The following KRAS variants were observed in gnomAD, a reference collection of about 807,000 sequenced individuals.
KRAS encodes KRas proto-oncogene, GTPase.
Under a neutral mutation model 21.0 loss-of-function variants are expected in KRAS, and 1 was observed. That is an observed-to-expected ratio of 0.05 (90% CI 0.02 to 0.23). KRAS has a LOEUF of 0.23. Ranked by LOEUF, KRAS falls within the 10% of genes least tolerant of loss-of-function variation. KRAS has a pLI of 1.00. For missense variants in KRAS, 107 were observed against 221.8 expected, an observed-to-expected ratio of 0.48 and a Z score of 3.29; for synonymous variants, 67 against 72.5, an observed-to-expected ratio of 0.92 and a Z score of 0.39.
At chr12:25,240,175 T>C (rs1951593125) in intron 2 of KRAS, among the ~76,000 whole-genome samples, 1 of 152,192 alleles carries the variant, frequency 6.6e-6, no homozygotes, top group Admixed American at 6.5e-5. Context: ...CTAATTTCTA[T>C]ATTAAGATCC....
chr12:25,214,995 C>A (rs1483868730), intron 4 of KRAS, among the ~76,000 whole-genome samples: 5 of 147,272 alleles, frequency 3.4e-5, no homozygotes, highest in Admixed American at 2.8e-4. Flanking sequence ...GTAAAATATC[C>A]AAAAGAAAAA....
At chr12:25,238,335 A>G (rs918512280) in intron 2 of KRAS, among the ~76,000 whole-genome samples, 1 of 152,232 alleles carries the variant, frequency 6.6e-6, no homozygotes, top group Non-Finnish European at 1.5e-5. Flanking sequence ...GATCACTTGA[A>G]GTCCAGGTAA....
intron 2 of KRAS, among the ~76,000 whole-genome samples, chr12:25,229,752 G>A (rs1951441155): frequency 6.7e-6 from 1 of 149,072 alleles, no homozygotes; most frequent in Non-Finnish European, 1.5e-5. Context: ...CCACATGTAG[G>A]CTATAGTATT....
intron 4 of KRAS, among the ~76,000 whole-genome samples, chr12:25,224,783 T>A (rs898070290): frequency 6.6e-6 from 1 of 152,152 alleles, no homozygotes; most frequent in Non-Finnish European, 1.5e-5. Context: ...TAGTAGGTTA[T>A]ACTACCAAGG....
chr12:25,216,661 G>A (rs1024763205), intron 4 of KRAS, among the ~76,000 whole-genome samples: 1 of 152,092 alleles, frequency 6.6e-6, no homozygotes, highest in African/African-American at 2.4e-5. Flanking sequence ...ACTCTTAATA[G>A]GGTTTTTCTT....
intron 2 of KRAS, chr12:25,234,825 C>A (rs1209241868): frequency 1.4e-5 from 3 of 209,092 alleles, no homozygotes; most frequent in African/African-American, 6.8e-5. Flanking sequence ...GGTTTTCCAA[C>A]TCAGGCAGTG....
At chr12:25,224,168 A>G (rs2141502578) in intron 4 of KRAS, among the ~76,000 whole-genome samples, 1 of 126,620 alleles carries the variant, frequency 7.9e-6, no homozygotes, top group East Asian at 2.2e-4. Context: ...TTTATAGTGT[A>G]CTCCTCCTAT....
Position 25,209,235 on chromosome 12 carries a change from G to C in KRAS, c.*560C>G. The C allele has an allele frequency of 4.4e-6, 3 of 683,612 alleles. No individual in the cohort carries two copies. Among genetic ancestry groups the C allele is most frequent in the Non-Finnish European group, 8.0e-6 (3 of 375,522 alleles). 42.3% of individuals were successfully genotyped at this position (683,612 alleles called of 1,614,324 possible). A position where few individuals can be genotyped will look rare whatever the true frequency, so the allele number is the denominator to read the frequency against. Reference sequence around the variant, plus strand: ...TTGGGGAGAGTGACCATGACTAATAGCAGTGGAAAGGAGACAAAACCTTTG... The same window carrying C: ...TTGGGGAGAGTGACCATGACTAATACCAGTGGAAAGGAGACAAAACCTTTG... On this transcript the variant is annotated 3_prime_UTR_variant, in exon 5 of 5. Coordinates refer to ENST00000311936, the MANE Select transcript of KRAS (RefSeq NM_004985.5).
rs148925145 is a variant in KRAS, at chr12:25,231,832, A to C, written c.112-4420T>G. ...AGCTATTTTCAGTGCAACTTGGTAA[A>C]AACTAAAGAAGAAAAAGTGTTAAAT... On this transcript the variant is annotated intron_variant, in intron 2 of 4. Coordinates refer to ENST00000311936, the MANE Select transcript of KRAS (RefSeq NM_004985.5). Among the ~76,000 whole-genome samples, 676 of 152,356 alleles carry C rather than the reference A, an allele frequency of 4.4e-3. 7 individuals are homozygous for C. The highest frequency in any genetic ancestry group is 0.016 in the African/African-American group (647 of 41,576).
chr12:25,246,989 T>C (rs1051693329), intron 1 of KRAS, among the ~76,000 whole-genome samples: 2 of 152,276 alleles, frequency 1.3e-5, no homozygotes, highest in African/African-American at 2.4e-5. Flanking sequence ...TTGCTTTTCA[T>C]ACACTGTCTC....
chr12:25,244,773 C>T (rs1397751432), intron 2 of KRAS, among the ~76,000 whole-genome samples: 1 of 151,846 alleles, frequency 6.6e-6, no homozygotes, highest in Non-Finnish European at 1.5e-5. Flanking sequence ...ATAAACCACA[C>T]CTTAGGCAAA....
At chr12:25,228,249 C>T (rs1374629981) in intron 2 of KRAS, among the ~76,000 whole-genome samples, 1 of 129,588 alleles carries the variant, frequency 7.7e-6, no homozygotes, top group African/African-American at 2.9e-5. Context: ...CTCCTGGGCT[C>T]AAGCGATCCT....
intron 2 of KRAS, among the ~76,000 whole-genome samples, chr12:25,232,008 C>CA (rs1383849235): frequency 2.0e-5 from 3 of 152,130 alleles, no homozygotes; most frequent in African/African-American, 4.8e-5. Flanking sequence ...AAGACCCCCC[C>CA]AGCCTCTAGT....
intron 4 of KRAS, among the ~76,000 whole-genome samples, chr12:25,217,232 C>CT (rs1198127766): frequency 2.6e-5 from 4 of 152,142 alleles, no homozygotes; most frequent in Non-Finnish European, 5.9e-5. Context: ...ATGCAGAAGT[C>CT]ATCTGTACAT....
At chr12:25,231,425 C>T (rs1951469045) in intron 2 of KRAS, among the ~76,000 whole-genome samples, 1 of 152,038 alleles carries the variant, frequency 6.6e-6, no homozygotes, top group South Asian at 2.1e-4. Flanking sequence ...GCTGAGTATC[C>T]CTACTCTGAA....
intron 4 of KRAS, among the ~76,000 whole-genome samples, chr12:25,224,634 T>G (rs1951367381): frequency 6.6e-6 from 1 of 152,166 alleles, no homozygotes; most frequent in South Asian, 2.1e-4. Flanking sequence ...ATATATAAAC[T>G]TAGGGTAGCC....
intron 4 of KRAS, chr12:25,215,672 TA>T: frequency 2.5e-6 from 2 of 809,928 alleles, no homozygotes; most frequent in Non-Finnish European, 2.1e-6. Context: ...TTTTTTTTTT[TA>T]AACAGACATC....
intron 2 of KRAS, among the ~76,000 whole-genome samples, chr12:25,233,123 C>A (rs12311932): frequency 0.019 from 2,848 of 152,224 alleles, 106 homozygotes; most frequent in African/African-American, 0.065. Flanking sequence ...CCTACCACCA[C>A]CACCACCACC....
At chr12:25,230,471 A>G (rs2088978488) in intron 2 of KRAS, among the ~76,000 whole-genome samples, 1 of 152,122 alleles carries the variant, frequency 6.6e-6, no homozygotes, top group Admixed American at 6.5e-5. Flanking sequence ...TCTACTAAAC[A>G]TACAAAATTA....
Sources: allele counts gnomAD v4.1 joint callset (sites outside exome capture counted in the v4.1 genomes callset), GRCh38; gene constraint gnomAD v4.1.1; transcripts MANE v1.5; gene names NCBI Gene and HGNC (gene_info 2026-07-23, HGNC 2026-07-21).